RAP1GDS1: variants seen among roughly 807,000 people sequenced by gnomAD.
RAP1GDS1 encodes the protein RAP1, GTP-GDP dissociation stimulator 1.
RAP1GDS1 carries 35 observed loss-of-function variants against 71.1 expected under a neutral mutation model. That is an observed-to-expected ratio of 0.49 (90% CI 0.38 to 0.65). RAP1GDS1 has a LOEUF of 0.65. RAP1GDS1 is among the 30% of genes least tolerant of loss of function. The probability of loss-of-function intolerance (pLI) is 0.00; values close to 1 mark genes in which losing one functional copy is unlikely to be tolerated. For missense variants in RAP1GDS1, 663 were observed against 706.1 expected (o/e 0.94, Z 0.69); for synonymous variants, 229 against 243.1 (o/e 0.94, Z 0.54).
chr4:98,299,600 T>A (rs1411166248), intron 2 of RAP1GDS1, among the ~76,000 whole-genome samples: 10 of 151,766 alleles, frequency 6.6e-5, no homozygotes, highest in Admixed American at 6.6e-4. Context: ...TCACTTCTTA[T>A]AGATGAGAAA....
In RAP1GDS1 at chr4:98,405,857, A is replaced by G. The variant is rs534688012; in HGVS notation, c.763+1255A>G. Among the ~76,000 whole-genome samples, 4 of 152,204 alleles carry G rather than the reference A, an allele frequency of 2.6e-5. No individual in the cohort carries two copies. The South Asian group carries it at 8.3e-4, about 32-fold the overall frequency. ...AACGGTAGATATATAGGTAAATCTTATAAACATTGAATATATCAAAAAAAT... is the reference window on the plus strand; with the variant it reads ...AACGGTAGATATATAGGTAAATCTTGTAAACATTGAATATATCAAAAAAAT... On this transcript the variant is annotated intron_variant, in intron 7 of 14. Transcript: ENST00000408927.
At chr4:98,403,073 C>T (rs745334732) in intron 6 of RAP1GDS1, among the ~76,000 whole-genome samples, 14 of 152,012 alleles carry the variant, frequency 9.2e-5, no homozygotes, top group Non-Finnish European at 2.1e-4. Flanking sequence ...CTCCTACATA[C>T]ACATTATACA....
In RAP1GDS1 at chr4:98,330,778, G is replaced by T. The variant is rs188429155; in HGVS notation, c.113-12361G>T. 6.2e-5 allele frequency among the ~76,000 whole-genome samples: 9 copies of T among 144,762 alleles called. No homozygotes were observed. In the East Asian group the frequency reaches 1.9e-3, roughly 30 times the overall value. The allele number at this position is 144,762 out of a possible 152,430, so 95.0% of individuals were successfully genotyped here. On this transcript the variant is annotated intron_variant, in intron 2 of 14. Transcript: ENST00000408927. ...AGACACTCCTCACTTCCTAGATGGG[G>T]TGGTGGCTGGGAAGAAGCGCTCCTC... is the stretch of plus-strand genomic sequence containing the variant.
chr4:98,426,593 A>G (rs1162896117), intron 12 of RAP1GDS1, among the ~76,000 whole-genome samples: 2 of 152,114 alleles, frequency 1.3e-5, no homozygotes, highest in Non-Finnish European at 2.9e-5. Context: ...ACACCTTTAC[A>G]TGCAAAAACT....
In RAP1GDS1 at chr4:98,418,672, A is replaced by G. The variant is rs769111935; in HGVS notation, c.1055A>G (p.His352Arg). The G allele has an allele frequency of 2.5e-6, 4 of 1,596,242 alleles. No homozygotes were observed. The highest frequency in any genetic ancestry group is 3.4e-6 in the Non-Finnish European group (4 of 1,174,730). ...TTTTTTTCAGATGCAAATTGTATTC[A>G]TATGGTAGACAATGGGATTGTAGAA... is the stretch of plus-strand genomic sequence containing the variant. ...NFARNDANCI[H>R]MVDNGIVEKL... The change falls in exon 10 of 15, where the codon CAT becomes CGT. Residue 352 changes from histidine (H) to arginine (R), a missense_variant. By Grantham distance (29) the His-to-Arg change is conservative. Coordinates refer to ENST00000408927, the MANE Select transcript of RAP1GDS1 (RefSeq NM_001100427.2).
Position 98,391,990 on chromosome 4 carries a change from C to T in RAP1GDS1, c.547C>T (p.Pro183Ser). The change falls in exon 6 of 15, where the codon CCT becomes TCT. Residue 183 changes from proline to serine, a missense_variant. Pro to Ser is a moderately conservative substitution (Grantham distance 74, BLOSUM62 -1). Coordinates refer to ENST00000408927, the MANE Select transcript of RAP1GDS1 (RefSeq NM_001100427.2). ...TCAGCTTATCAATATGGGTGTTATT[C>T]CTACCTTAGTGAAATTACTGGGCAT... ...QAQLINMGVIPTLVKLLGIHC... is the reference protein window; with the variant it reads ...QAQLINMGVISTLVKLLGIHC... 6.2e-7 allele frequency: 1 copy of T among 1,603,948 alleles called. No homozygotes were observed. Among genetic ancestry groups the T allele is most frequent in the African/African-American group, 1.3e-5 (1 of 74,496 alleles).
intron 4 of RAP1GDS1, among the ~76,000 whole-genome samples, chr4:98,353,436 G>T (rs1213450467): frequency 6.6e-6 from 1 of 152,090 alleles, no homozygotes; most frequent in Non-Finnish European, 1.5e-5. Context: ...TAACACAAAA[G>T]ATATGGCCCT....
chr4:98,433,716 T>G (rs1750769160), intron 12 of RAP1GDS1, among the ~76,000 whole-genome samples: 1 of 152,208 alleles, frequency 6.6e-6, no homozygotes, highest in South Asian at 2.1e-4. Context: ...ACTGCAGTGG[T>G]CTTTTCTACT....
chr4:98,275,798 C>A (rs1170049094), intron 1 of RAP1GDS1, among the ~76,000 whole-genome samples: 2 of 152,110 alleles, frequency 1.3e-5, no homozygotes. Flanking sequence ...CTTTTAATAT[C>A]ATTGGGTTCC....
At chr4:98,371,513 G>A (rs964533509) in intron 4 of RAP1GDS1, among the ~76,000 whole-genome samples, 1 of 151,924 alleles carries the variant, frequency 6.6e-6, no homozygotes, top group Admixed American at 6.6e-5. Context: ...GTCTTGCTCT[G>A]TTGCCCAGGC....
intron 2 of RAP1GDS1, among the ~76,000 whole-genome samples, chr4:98,328,813 C>T (rs545918682): frequency 8.6e-4 from 131 of 152,220 alleles, no homozygotes; most frequent in African/African-American, 3.1e-3. Flanking sequence ...TGATTTTTAT[C>T]AAAGATAATC....
In RAP1GDS1 at chr4:98,391,949, C is replaced by G; in HGVS notation, c.509-3C>G. ...TGTTGTTGTTTTTTTTTTGTTTTTACAGATTCGCTTCAAGCTCAGCTTATC... is the reference window on the plus strand; with the variant it reads ...TGTTGTTGTTTTTTTTTTGTTTTTAGAGATTCGCTTCAAGCTCAGCTTATC... On this transcript the variant is annotated splice_region_variant and splice_polypyrimidine_tract_variant and intron_variant, in intron 5 of 14. Coordinates refer to ENST00000408927, the MANE Select transcript of RAP1GDS1 (RefSeq NM_001100427.2). The G allele has an allele frequency of 6.4e-7, 1 of 1,561,244 alleles. No individual in the cohort carries two copies. The highest frequency in any genetic ancestry group is 8.6e-7 in the Non-Finnish European group (1 of 1,158,052).
chr4:98,362,217 C>A lies in RAP1GDS1; in HGVS notation c.361+9616C>A, dbSNP rs533174838. On this transcript the variant is annotated intron_variant, in intron 4 of 14. Coordinates refer to ENST00000408927, the MANE Select transcript of RAP1GDS1 (RefSeq NM_001100427.2). Reference sequence around the variant, plus strand: ...TGTAGGGTCTGCATGTGGTGGCTCACAGCTGTGATCCTAACATTTTCAGAG... The same window carrying A: ...TGTAGGGTCTGCATGTGGTGGCTCAAAGCTGTGATCCTAACATTTTCAGAG... Among the ~76,000 whole-genome samples the A allele has an allele frequency of 7.2e-5, 11 of 152,294 alleles. No homozygotes were observed. In the South Asian group the frequency reaches 2.3e-3, roughly 32 times the overall value.
intron 6 of RAP1GDS1, among the ~76,000 whole-genome samples, chr4:98,399,218 G>C (rs1744996382): frequency 6.6e-6 from 1 of 152,110 alleles, no homozygotes; most frequent in Non-Finnish European, 1.5e-5. Context: ...AAAATAAATA[G>C]GATCATATCA....
chr4:98,440,297 ATG>A (rs1187751393), intron 14 of RAP1GDS1, among the ~76,000 whole-genome samples: 1 of 152,212 alleles, frequency 6.6e-6, no homozygotes, highest in Non-Finnish European at 1.5e-5. Flanking sequence ...GAACATTGGT[ATG>A]CAAATATCTC....
intron 2 of RAP1GDS1, among the ~76,000 whole-genome samples, chr4:98,305,532 A>G (rs974296879): frequency 2.0e-5 from 3 of 152,196 alleles, no homozygotes; most frequent in Non-Finnish European, 2.9e-5. Context: ...CTAGGAGTTT[A>G]TAGAAAAGGG....
intron 7 of RAP1GDS1, among the ~76,000 whole-genome samples, chr4:98,405,544 TGC>T (rs1745994559): frequency 6.6e-6 from 1 of 151,992 alleles, no homozygotes; most frequent in African/African-American, 2.4e-5. Context: ...GAGGGGAGTG[TGC>T]AGAGGCAATA....
At chr4:98,296,147 C>G (rs1256732899) in intron 2 of RAP1GDS1, among the ~76,000 whole-genome samples, 1 of 151,872 alleles carries the variant, frequency 6.6e-6, no homozygotes, top group African/African-American at 2.4e-5. Flanking sequence ...TGCACCTGAT[C>G]AGGAAAGAAA....
At position 98,278,452 on chromosome 4, in the gene RAP1GDS1, TAAG is replaced by T. The variant is rs537922008; in HGVS notation, c.5-14952_5-14950del. ...TTTTTGAAAATTAATATTTTAAAAT[TAAG>T]AAGTTAATTGTGAAAATTTAATCAT... is the stretch of plus-strand genomic sequence containing the variant. On this transcript the variant is annotated intron_variant, in intron 1 of 14. Transcript: ENST00000408927. Among the ~76,000 whole-genome samples, 57 of 152,304 alleles carry T rather than the reference TAAG, an allele frequency of 3.7e-4. No individual in the cohort carries two copies. The South Asian group carries it at 4.1e-3, about 11-fold the overall frequency.
Sources: allele counts gnomAD v4.1 joint callset (sites outside exome capture counted in the v4.1 genomes callset), GRCh38; gene constraint gnomAD v4.1.1; transcripts MANE v1.5; gene names NCBI Gene and HGNC (gene_info 2026-07-23, HGNC 2026-07-21).